GALNT13: variants seen among roughly 807,000 people sequenced by gnomAD.
GALNT13 encodes the protein UDP-GalNAc:polypeptide N-acetylgalactosaminyltransferase 13.
Under a neutral mutation model 64.2 loss-of-function variants are expected in GALNT13, and 28 were observed. The observed-to-expected ratio is 0.44, with a 90% CI of 0.32 to 0.60. GALNT13 has a LOEUF of 0.60. Among genes scored for constraint, GALNT13 ranks in the 20% least tolerant of loss-of-function variants. The pLI is 0.05. For synonymous variants in GALNT13, 214 were observed against 224.6 expected (o/e 0.95, Z 0.42); for missense variants, 577 against 669.8 (o/e 0.86, Z 1.53).
the GALNT13 span, among the ~76,000 whole-genome samples, chr2:153,717,142 C>T: frequency 5.3e-5 from 8 of 152,054 alleles, no homozygotes; most frequent in South Asian, 2.1e-4. Context: ...TTTATTCCCC[C>T]GACATAAGAG....
At chr2:153,137,714 T>C in the GALNT13 span, among the ~76,000 whole-genome samples, 1 of 148,984 alleles carries the variant, frequency 6.7e-6, no homozygotes, top group Admixed American at 6.7e-5. Flanking sequence ...TAGTATATGA[T>C]GGAGCCTCAA....
At chr2:154,334,618 A>G (rs1335206142) in intron 9 of GALNT13, among the ~76,000 whole-genome samples, 4 of 150,570 alleles carry the variant, frequency 2.7e-5, no homozygotes, top group Non-Finnish European at 4.4e-5. Flanking sequence ...CATTCTTCTC[A>G]GTTACAAACT....
At chr2:154,263,245 G>A (rs1690801742) in intron 8 of GALNT13, among the ~76,000 whole-genome samples, 1 of 152,172 alleles carries the variant, frequency 6.6e-6, no homozygotes, top group Non-Finnish European at 1.5e-5. Flanking sequence ...GCTTAGGTAA[G>A]ATAGCACATA....
intron 4 of GALNT13, among the ~76,000 whole-genome samples, chr2:154,240,106 C>T (rs1170734601): frequency 6.6e-6 from 1 of 151,990 alleles, no homozygotes; most frequent in Non-Finnish European, 1.5e-5. Flanking sequence ...CTCCAGAAAC[C>T]TTTTGACATT....
At chr2:154,043,455 T>TATACATACATACAC (rs1341373277) in intron 3 of GALNT13, among the ~76,000 whole-genome samples, 5 of 105,018 alleles carry the variant, frequency 4.8e-5, no homozygotes, top group African/African-American at 1.6e-4. Context: ...TATATATATA[T>TATACATACATACAC]ACACACATGT....
chr2:153,893,807 C>T (rs928195933), intron 1 of GALNT13, among the ~76,000 whole-genome samples: 4 of 151,836 alleles, frequency 2.6e-5, no homozygotes, highest in African/African-American at 7.3e-5. Context: ...ATAAATGACA[C>T]GGATGAAGTA....
At chr2:154,229,239 A>G (rs552916397) in intron 4 of GALNT13, among the ~76,000 whole-genome samples, 7 of 152,214 alleles carry the variant, frequency 4.6e-5, no homozygotes, top group Admixed American at 2.0e-4. Context: ...CAGAGCTTCA[A>G]TTGACAATTT....
At chr2:154,027,925 G>A (rs549212284) in intron 3 of GALNT13, among the ~76,000 whole-genome samples, 1 of 152,074 alleles carries the variant, frequency 6.6e-6, no homozygotes, top group Non-Finnish European at 1.5e-5. Flanking sequence ...TGCACATCAA[G>A]AATATTTTTA....
At chr2:153,176,770 TAA>T in the GALNT13 span, among the ~76,000 whole-genome samples, 19,408 of 139,570 alleles carry the variant, frequency 0.14, 1,390 homozygotes, top group Middle Eastern at 0.18. Flanking sequence ...TGCCTGAGTT[TAA>T]AAAAAAAAAA....
At chr2:154,341,055 A>G (rs1695737490) in intron 9 of GALNT13, among the ~76,000 whole-genome samples, 1 of 152,118 alleles carries the variant, frequency 6.6e-6, no homozygotes, top group African/African-American at 2.4e-5. Flanking sequence ...TTTTGAACTG[A>G]CCCAAGAAGG....
chr2:153,804,764 T>C, the GALNT13 span, among the ~76,000 whole-genome samples: 3 of 151,848 alleles, frequency 2.0e-5, no homozygotes, highest in Non-Finnish European at 2.9e-5. Flanking sequence ...ATACATTTTA[T>C]TATAATAAAA....
the GALNT13 span, among the ~76,000 whole-genome samples, chr2:153,339,177 T>C: frequency 5.3e-5 from 8 of 152,326 alleles, no homozygotes; most frequent in South Asian, 8.3e-4. Flanking sequence ...CTAGTTTTAA[T>C]GTTTTGAAGA....
chr2:153,666,500 C>T, the GALNT13 span, among the ~76,000 whole-genome samples: 3 of 152,132 alleles, frequency 2.0e-5, no homozygotes, highest in Non-Finnish European at 2.9e-5. Flanking sequence ...AATCTCAGCC[C>T]CTCCAGCACA....
chr2:153,800,148 T>C, the GALNT13 span, among the ~76,000 whole-genome samples: 1 of 148,346 alleles, frequency 6.7e-6, no homozygotes, highest in East Asian at 2.1e-4. Flanking sequence ...TCCAGACCAC[T>C]GCACACTTCA....
At chr2:153,775,495 A>G in the GALNT13 span, among the ~76,000 whole-genome samples, 1 of 152,180 alleles carries the variant, frequency 6.6e-6, no homozygotes, top group Non-Finnish European at 1.5e-5. Flanking sequence ...ATCCCAAGTT[A>G]TTAAATGGAA....
chr2:153,382,604 G>T, the GALNT13 span, among the ~76,000 whole-genome samples: 4 of 151,900 alleles, frequency 2.6e-5, no homozygotes, highest in African/African-American at 9.7e-5. Flanking sequence ...ATTCCATGAG[G>T]AGCAAATCAT....
At chr2:153,166,173 G>A in the GALNT13 span, among the ~76,000 whole-genome samples, 436 of 152,174 alleles carry the variant, frequency 2.9e-3, 4 homozygotes, top group African/African-American at 9.8e-3. Context: ...GGCTTTTGAG[G>A]TCTGTGTCTC....
intron 7 of GALNT13, among the ~76,000 whole-genome samples, chr2:154,246,278 T>A (rs1203513601): frequency 1.3e-5 from 2 of 152,124 alleles, no homozygotes; most frequent in African/African-American, 4.8e-5. Context: ...TGTGCTAGCC[T>A]TGACACTTCA....
At chr2:153,305,451 G>A in the GALNT13 span, among the ~76,000 whole-genome samples, 8 of 152,238 alleles carry the variant, frequency 5.3e-5, no homozygotes, top group Non-Finnish European at 1.0e-4. Context: ...TCAGGATTTC[G>A]AAGTGTTTTA....
Sources: gnomAD v4.1 joint callset for allele counts (sites outside exome capture counted in the v4.1 genomes callset) on GRCh38, gnomAD v4.1.1 for gene constraint, MANE v1.5 for transcripts, NCBI Gene and HGNC (gene_info 2026-07-23, HGNC 2026-07-21) for gene names.